PCYT2: variants seen among roughly 807,000 people sequenced by gnomAD.
The protein encoded by PCYT2 is phosphate cytidylyltransferase 2, ethanolamine, also known as ethanolamine-phosphate cytidylyltransferase.
In PCYT2, 33 loss-of-function variants were observed where a neutral mutation model predicts 50.0. The observed-to-expected ratio is 0.66, with a 90% CI of 0.50 to 0.88. PCYT2 has a LOEUF of 0.88. Ranked by LOEUF, PCYT2 falls within the 40% of genes least tolerant of loss-of-function variation. PCYT2 has a pLI of 0.00. For missense variants in PCYT2, 430 were observed against 519.7 expected (o/e 0.83, Z 1.68); for synonymous variants, 240 against 203.7 (o/e 1.18, Z -1.52).
Position 81,902,684 on chromosome 17 carries a change from G to T in PCYT2, c.*2149C>A. ...TGCGAGCGGCTCCCCGACGGCCGCG[G>T]GACCTACCAGTGCAAGGCGAACGTC... On this transcript the variant is annotated 3_prime_UTR_variant, in exon 13 of 13. Coordinates refer to ENST00000538936, the MANE Select transcript of PCYT2 (RefSeq NM_002861.5). The T allele has an allele frequency of 1.2e-6, 2 of 1,608,756 alleles. No individual in the cohort carries two copies. Among genetic ancestry groups the T allele is most frequent in the Non-Finnish European group, 8.5e-7 (1 of 1,178,792 alleles).
chr17:81,907,396 G>T, intron 6 of PCYT2, 158 bp downstream of exon 6: 1 of 1,186,172 alleles, frequency 8.4e-7, no homozygotes, highest in Non-Finnish European at 1.2e-6. Context: ...GCATCCACCA[G>T]TGAGCCAAAC....
Position 81,906,139 on chromosome 17 carries a change from C to T in PCYT2, c.798G>A (p.Met266Ile). 6.2e-7 allele frequency: 1 copy of T among 1,613,072 alleles called. No homozygotes were observed. The highest frequency in any genetic ancestry group is 8.5e-7 in the Non-Finnish European group (1 of 1,179,556). ...CGCTCAGAGTCCGTTCATGCAGATT[C>T]ATGATGGGGTAGTTCTTCCCCTTGT... is the stretch of plus-strand genomic sequence containing the variant. ...NHYKGKNYPI[M>I]NLHERTLSVL... Residue 266 changes from methionine (M) to isoleucine (I), a missense_variant, in exon 9 of 13, where the codon ATG (methionine) becomes ATA (isoleucine). Transcript: ENST00000538936.
In PCYT2 at chr17:81,903,062, C is replaced by T; in HGVS notation, c.*1771G>A. The stretch of plus-strand genomic sequence containing the variant: ...TCAGACCCAGGGGCGAAGCTGGCCA[C>T]GACCCAGCCCCGCGGTGAAGCCGCG... On this transcript the variant is annotated 3_prime_UTR_variant, in exon 13 of 13. Coordinates refer to ENST00000538936, the MANE Select transcript of PCYT2 (RefSeq NM_002861.5). 5.3e-6 allele frequency: 2 copies of T among 373,880 alleles called. No homozygotes were observed. The highest frequency in any genetic ancestry group is 2.1e-5 in the African/African-American group (1 of 47,698). 23.2% of individuals were successfully genotyped at this position (373,880 alleles called of 1,614,324 possible). A position where few individuals can be genotyped will look rare whatever the true frequency, so the allele number is the denominator to read the frequency against.
chr17:81,908,959 A>T lies in PCYT2; in HGVS notation c.257T>A (p.Val86Glu), dbSNP rs1453351588. ...RYKMVQAIKW[V>E]DEVVPAAPYV... ...GGGAGCCGCTGGCACCACCTCGTCC[A>T]CCCATTTGATGGCCTGCACCATCTT... Residue 86 changes from valine (V) to glutamate (E), a missense_variant, in exon 3 of 13, where the codon GTG (valine) becomes GAG (glutamate). By Grantham distance (121) the Val-to-Glu change is moderately radical. Coordinates refer to ENST00000538936, the MANE Select transcript of PCYT2 (RefSeq NM_002861.5). The T allele has an allele frequency of 6.2e-7, 1 of 1,613,814 alleles. No individual in the cohort carries two copies. The highest frequency in any genetic ancestry group is 1.3e-5 in the African/African-American group (1 of 74,880).
intron 8 of PCYT2, 47 bp from the exon 9 acceptor site, chr17:81,906,224 A>C (rs769136730): frequency 2.6e-5 from 39 of 1,521,480 alleles, no homozygotes; most frequent in Non-Finnish European, 3.3e-5. Flanking sequence ...TTTTGGGGGG[A>C]CAGGGTGTGC....
chr17:81,902,505 GC>G lies in PCYT2; in HGVS notation c.*2327del. 7.0e-7 allele frequency: 1 copy of G among 1,431,814 alleles called. No homozygotes were observed. The highest frequency in any genetic ancestry group is 9.1e-7 in the Non-Finnish European group (1 of 1,099,730). 88.7% of individuals were successfully genotyped at this position (1,431,814 alleles called of 1,614,324 possible). ...CCGGCGCCTCCCCGGAGCTGCAACT[GC>G]ACCCCAGGCTGCGGAGCCTCGTGAG... On this transcript the variant is annotated 3_prime_UTR_variant, in exon 13 of 13. Coordinates refer to ENST00000538936, the MANE Select transcript of PCYT2 (RefSeq NM_002861.5).
chr17:81,908,177 C>G (rs2040380500), intron 4 of PCYT2, among the ~76,000 whole-genome samples: 1 of 148,906 alleles, frequency 6.7e-6, no homozygotes, highest in African/African-American at 2.4e-5. Context: ...CACCCACGTC[C>G]TGCCCGCTGA....
At position 81,908,879 on chromosome 17, in the gene PCYT2, C is replaced by T. The variant is rs999326794; in HGVS notation, c.337G>A (p.Gly113Ser). The T allele has an allele frequency of 3.7e-6, 6 of 1,613,140 alleles. No individual in the cohort carries two copies. The highest frequency in any genetic ancestry group is 1.1e-5 in the South Asian group (1 of 91,054). The change falls in exon 3 of 13, where the codon GGC (glycine) becomes AGC (serine). Residue 113 changes from glycine (G) to serine (S), a missense_variant. Gly to Ser is a moderately conservative substitution (Grantham distance 56). Coordinates refer to ENST00000538936, the MANE Select transcript of PCYT2 (RefSeq NM_002861.5). ...DKYNCDFCVHGNDITLTVDGR... is the reference protein window; with the variant it reads ...DKYNCDFCVHSNDITLTVDGR... ...AGGTCCCAGCCCCGCCACTCACTGCCGTGAACACAGAAGTCACAGTTGTAT... is the reference window on the plus strand; with the variant it reads ...AGGTCCCAGCCCCGCCACTCACTGCTGTGAACACAGAAGTCACAGTTGTAT...
chr17:81,907,929 A>G, intron 4 of PCYT2, 72 bp from the exon 5 acceptor site: 2 of 1,267,198 alleles, frequency 1.6e-6, no homozygotes, highest in East Asian at 2.3e-5. Context: ...TACCACCACT[A>G]GGGACACTAG....
intron 7 of PCYT2, 26 bp from the exon 8 acceptor site, chr17:81,906,572 G>C (rs748546299): frequency 6.2e-7 from 1 of 1,608,824 alleles, no homozygotes; most frequent in Non-Finnish European, 8.5e-7. Flanking sequence ...GAAGCAGTCG[G>C]GATGGGGATG....
At chr17:81,910,605 A>T (rs2040539812) in intron 1 of PCYT2, among the ~76,000 whole-genome samples, 1 of 152,188 alleles carries the variant, frequency 6.6e-6, no homozygotes, top group Non-Finnish European at 1.5e-5. Context: ...TCCTTTTCCC[A>T]GAGGTGACTC....
chr17:81,907,219 T>G, intron 6 of PCYT2: 3 of 1,534,218 alleles, frequency 2.0e-6, no homozygotes, highest in Non-Finnish European at 2.6e-6. Context: ...AGCAGCCTTC[T>G]GAGGAAAGTA....
chr17:81,907,242 G>T (rs1567891926), intron 6 of PCYT2: 2 of 1,534,384 alleles, frequency 1.3e-6, no homozygotes, highest in Admixed American at 3.9e-5. Context: ...TCCCCGGCGG[G>T]TATCGGGTGA....
intron 2 of PCYT2, chr17:81,909,266 T>A (rs1303185221): frequency 1.4e-6 from 2 of 1,430,232 alleles, no homozygotes; most frequent in Non-Finnish European, 1.8e-6. Flanking sequence ...GCTCAGCCCC[T>A]GAAGGCTTGG....
rs1203492891 is a variant in PCYT2, at chr17:81,909,603, C to T, written c.90-1G>A. ...GTGGCCGTAATGCACCATGTCATAG[C>T]TGTGGAGACAGAGAGAGTGGGTGGT... On this transcript the variant is annotated splice_acceptor_variant, in intron 1 of 12. Transcript: ENST00000538936. LOFTEE classifies it high-confidence loss of function. 1.9e-6 allele frequency: 3 copies of T among 1,612,816 alleles called. No individual in the cohort carries two copies. The highest frequency in any genetic ancestry group is 2.5e-6 in the Non-Finnish European group (3 of 1,178,986).
Position 81,905,738 on chromosome 17 carries a change from GT to G in PCYT2, c.838-4del, listed in dbSNP as rs2040228626. On this transcript the variant is annotated splice_region_variant and splice_polypyrimidine_tract_variant and intron_variant, in intron 9 of 12. Transcript: ENST00000538936. ...CCAATCACCACTTCTGACACGTACT[GT>G]GGGGACAGTGGGGGCAGAAAGACTT... 6.2e-7 allele frequency: 1 copy of G among 1,613,250 alleles called. No individual in the cohort carries two copies. Among genetic ancestry groups the G allele is most frequent in the South Asian group, 1.1e-5 (1 of 91,086 alleles).
chr17:81,909,322 C>G, intron 2 of PCYT2, 192 bp downstream of exon 2: 1 of 1,433,554 alleles, frequency 7.0e-7, no homozygotes. Flanking sequence ...TTCTCTTTAG[C>G]TGGGACAGGA....
At chr17:81,910,358 C>T (rs1195576971) in intron 1 of PCYT2, among the ~76,000 whole-genome samples, 2 of 152,248 alleles carry the variant, frequency 1.3e-5, no homozygotes, top group Non-Finnish European at 2.9e-5. Context: ...AGGTGTGACC[C>T]TGGCAGCCCA....
At chr17:81,911,177 C>T (rs2040584249) in intron 1 of PCYT2, 90 bp downstream of exon 1, 1 of 1,012,022 alleles carries the variant, frequency 9.9e-7, no homozygotes, top group Non-Finnish European at 1.2e-6. Context: ...ACCCAGAACG[C>T]GGGCCCGGTC....
Sources: allele counts gnomAD v4.1 joint callset (sites outside exome capture counted in the v4.1 genomes callset), GRCh38; gene constraint gnomAD v4.1.1; transcripts MANE v1.5; gene names NCBI Gene and HGNC (gene_info 2026-07-23, HGNC 2026-07-21).